The following GPC4 variants were observed in gnomAD, a reference collection of about 807,000 sequenced individuals.
GPC4 encodes the protein glypican 4.
Under a neutral mutation model 35.0 loss-of-function variants are expected in GPC4, and 10 were observed. The observed-to-expected ratio is 0.29, with a 90% CI of 0.18 to 0.48. The LOEUF (loss-of-function observed/expected upper bound fraction) is 0.48, where lower values mean the gene tolerates loss of function less well. Among genes scored for constraint, GPC4 ranks in the 20% least tolerant of loss-of-function variants. The pLI, the probability that GPC4 is intolerant of heterozygous loss-of-function variation, is 0.99. For missense variants in GPC4, 322 were observed against 451.3 expected (o/e 0.71, Z 2.60); for synonymous variants, 167 against 170.2 (o/e 0.98, Z 0.15).
intron 1 of GPC4, among the ~76,000 whole-genome samples, chrX:133,376,056 T>A (rs1026058240): frequency 4.5e-5 from 5 of 111,954 alleles, no homozygotes; most frequent in Admixed American, 1.9e-4. Flanking sequence ...TCCCCAGGGT[T>A]CTCCTAATCC....
chrX:133,343,138 G>A (rs2068474293), intron 1 of GPC4, among the ~76,000 whole-genome samples: 1 of 111,877 alleles, frequency 8.9e-6, no homozygotes, highest in Non-Finnish European at 1.9e-5. Flanking sequence ...AGGGCTCTAG[G>A]TGATTCTGAC....
At chrX:133,328,352 T>C (rs927405490) in intron 2 of GPC4, among the ~76,000 whole-genome samples, 2 of 111,293 alleles carry the variant, frequency 1.8e-5, no homozygotes, top group Non-Finnish European at 3.8e-5. Context: ...ATTTAAATTC[T>C]AAAATCCATA....
intron 1 of GPC4, among the ~76,000 whole-genome samples, chrX:133,374,893 A>G (rs936081045): frequency 8.9e-6 from 1 of 112,198 alleles, no homozygotes; most frequent in Non-Finnish European, 1.9e-5. Flanking sequence ...CTTTTGATGA[A>G]CCTTGTTGGT....
At chrX:133,307,929 G>A (rs769362138) in intron 4 of GPC4, among the ~76,000 whole-genome samples, 8 of 111,991 alleles carry the variant, frequency 7.1e-5, no homozygotes, top group Non-Finnish European at 1.5e-4. Flanking sequence ...GCTGTTTGGC[G>A]TCTTTGTAAA....
chrX:133,353,962 T>A (rs2068528566), intron 1 of GPC4, among the ~76,000 whole-genome samples: 1 of 111,829 alleles, frequency 8.9e-6, no homozygotes, highest in African/African-American at 3.3e-5. Context: ...ACTATAATTA[T>A]CATGAAAAGT....
chrX:133,321,765 C>T (rs906320592), intron 3 of GPC4, among the ~76,000 whole-genome samples: 2 of 111,909 alleles, frequency 1.8e-5, no homozygotes, highest in Admixed American at 9.4e-5. Flanking sequence ...GGCAGAAGTT[C>T]AAGAATCAGA....
At chrX:133,342,288 C>T (rs911772911) in intron 1 of GPC4, among the ~76,000 whole-genome samples, 3 of 110,697 alleles carry the variant, frequency 2.7e-5, no homozygotes, top group Non-Finnish European at 3.8e-5. Context: ...CCACCCGCCT[C>T]GGCCTCCCAA....
At chrX:133,319,439 A>G (rs1165547572) in intron 3 of GPC4, among the ~76,000 whole-genome samples, 2 of 59,883 alleles carry the variant, frequency 3.3e-5, no homozygotes, top group East Asian at 5.9e-4. Context: ...GCAAGACCCT[A>G]TGTCAAAAAA....
chrX:133,328,657 A>G (rs2068404835), intron 2 of GPC4, among the ~76,000 whole-genome samples: 1 of 111,126 alleles, frequency 9.0e-6, no homozygotes, highest in Non-Finnish European at 1.9e-5. Context: ...AATCAGGGTC[A>G]GATCTTAACT....
chrX:133,367,032 G>C (rs2068592733), intron 1 of GPC4, among the ~76,000 whole-genome samples: 1 of 111,996 alleles, frequency 8.9e-6, no homozygotes, highest in African/African-American at 3.2e-5. Flanking sequence ...CCTCTAGGGG[G>C]TATCTGGACT....
chrX:133,403,193 A>T (rs2068773708), intron 1 of GPC4, among the ~76,000 whole-genome samples: 2 of 111,996 alleles, frequency 1.8e-5, no homozygotes, highest in African/African-American at 6.5e-5. Context: ...GCTTAAAATA[A>T]TTAGATTTAA....
At chrX:133,372,223 TTAAAAA>T (rs1174782383) in intron 1 of GPC4, among the ~76,000 whole-genome samples, 1 of 66,175 alleles carries the variant, frequency 1.5e-5, no homozygotes, top group African/African-American at 1.2e-4. Flanking sequence ...GACTCCGTCT[TTAAAAA>T]AAAAAAAAAA....
intron 1 of GPC4, among the ~76,000 whole-genome samples, chrX:133,378,625 C>A (rs1603088541): frequency 9.3e-6 from 1 of 107,668 alleles, no homozygotes; most frequent in East Asian, 2.9e-4. Flanking sequence ...ACTTAACCAT[C>A]ACTCCCTAAA....
intron 1 of GPC4, among the ~76,000 whole-genome samples, chrX:133,395,928 C>T (rs1455595823): frequency 9.0e-6 from 1 of 111,293 alleles, no homozygotes; most frequent in African/African-American, 3.3e-5. Context: ...TGAGAAAGGA[C>T]AGGTCAAGTT....
intron 1 of GPC4, among the ~76,000 whole-genome samples, chrX:133,357,703 T>A (rs1022173992): frequency 1.5e-4 from 17 of 111,272 alleles, no homozygotes; most frequent in Admixed American, 2.9e-4. Flanking sequence ...GCTTACCAAC[T>A]GTGCAATTTT....
At chrX:133,332,163 T>G (rs1017490608) in intron 2 of GPC4, among the ~76,000 whole-genome samples, 16 of 111,690 alleles carry the variant, frequency 1.4e-4, no homozygotes, top group South Asian at 3.8e-4. Flanking sequence ...AAATATATAA[T>G]TTTTTCCTAA....
Position 133,391,501 on chromosome X carries a change from GT to G in GPC4, c.160+23304del, listed in dbSNP as rs749028625. ...GTTCTGTATTGTTGGAGCTTCTGTG[GT>G]TTTCTGCTGGTTAATTTTGTAAATC... On this transcript the variant is annotated intron_variant, in intron 1 of 8. Transcript: ENST00000370828. Among the ~76,000 whole-genome samples, 9 of 112,085 alleles carry G rather than the reference GT, an allele frequency of 8.0e-5. No individual in the cohort carries two copies. In the South Asian group the frequency reaches 1.5e-3, roughly 19 times the overall value.
intron 2 of GPC4, 100 bp downstream of exon 2, chrX:133,339,083 T>C: frequency 1.2e-6 from 1 of 842,196 alleles, no homozygotes; most frequent in East Asian, 3.2e-5. Flanking sequence ...AAGGACAACA[T>C]CTTGGGAGAA....
At chrX:133,324,573 A>G in intron 2 of GPC4, 37 bp from the exon 3 acceptor site, 9 of 1,059,614 alleles carry the variant, frequency 8.5e-6, no homozygotes, top group Non-Finnish European at 1.1e-5. Flanking sequence ...AAAAAAAGGA[A>G]AAACGAGAGT....
Sources: allele counts gnomAD v4.1 joint callset (sites outside exome capture counted in the v4.1 genomes callset), GRCh38; gene constraint gnomAD v4.1.1; transcripts MANE v1.5; gene names NCBI Gene and HGNC (gene_info 2026-07-23, HGNC 2026-07-21).